AFF3: variants seen among roughly 807,000 people sequenced by gnomAD.
AFF3 encodes the protein AF4/FMR2 family member 3.
Under a neutral mutation model 129.7 loss-of-function variants are expected in AFF3, and 32 were observed. That is an observed-to-expected ratio of 0.25 (90% CI 0.19 to 0.33). The LOEUF is 0.33. Ranked by LOEUF, AFF3 falls within the 10% of genes least tolerant of loss-of-function variation. The pLI is 1.00. For synonymous variants in AFF3, 644 were observed against 635.4 expected (o/e 1.01, Z -0.20); for missense variants, 1,373 against 1,592.0 (o/e 0.86, Z 2.34).
At chr2:99,555,222 T>C (rs754928987) in intron 22 of AFF3, among the ~76,000 whole-genome samples, 1 of 152,186 alleles carries the variant, frequency 6.6e-6, no homozygotes, top group Non-Finnish European at 1.5e-5. Context: ...TACTTTTTCA[T>C]TGTAAATTAA....
intron 8 of AFF3, among the ~76,000 whole-genome samples, chr2:99,821,919 G>A (rs1019515996): frequency 1.3e-5 from 2 of 152,164 alleles, no homozygotes; most frequent in South Asian, 4.1e-4. Context: ...AACAAAGGCA[G>A]CCAGGGCACA....
intron 4 of AFF3, among the ~76,000 whole-genome samples, chr2:100,038,345 A>C (rs1198214227): frequency 2.0e-5 from 3 of 151,754 alleles, no homozygotes; most frequent in African/African-American, 7.3e-5. Flanking sequence ...TCCAGCAACA[A>C]TCAAGTTGTC....
At chr2:100,076,024 G>A (rs112990816) in intron 4 of AFF3, among the ~76,000 whole-genome samples, 2 of 152,156 alleles carry the variant, frequency 1.3e-5, no homozygotes, top group Non-Finnish European at 1.5e-5. Flanking sequence ...GGACAGGTTA[G>A]CATGCAAAGC....
chr2:99,644,618 C>T (rs1296387145), intron 13 of AFF3, among the ~76,000 whole-genome samples: 1 of 152,230 alleles, frequency 6.6e-6, no homozygotes, highest in Non-Finnish European at 1.5e-5. Context: ...TAGTGCTCCT[C>T]TTGCCCTAGA....
rs1573094568 is a variant in AFF3 at position 100,008,685 on chromosome 2, T to C, written c.174+127A>G. The C allele has an allele frequency of 4.1e-6, 5 of 1,209,656 alleles. No homozygotes were observed. The East Asian group carries it at 7.6e-5, about 18-fold the overall frequency. The allele number at this position is 1,209,656 out of a possible 1,614,324, so 74.9% of individuals were successfully genotyped here. A position where few individuals can be genotyped will look rare whatever the true frequency, so the allele number is the denominator to read the frequency against. ...CCCCGTACTTGGTGGCTGAGCTGTC[T>C]TCCCTGGGCTGAACAGACAGAAGAT... is the stretch of plus-strand genomic sequence containing the variant. On this transcript the variant is annotated intron_variant, in intron 5 of 24. Transcript: ENST00000672756.
At chr2:99,835,827 CTT>C (rs1359927997) in intron 8 of AFF3, among the ~76,000 whole-genome samples, 6 of 152,116 alleles carry the variant, frequency 3.9e-5, no homozygotes, top group African/African-American at 9.7e-5. Context: ...CACGTTCTCT[CTT>C]TGTTTCAGGC....
At chr2:99,902,837 C>CTT (rs1214960863) in intron 7 of AFF3, among the ~76,000 whole-genome samples, 1 of 152,152 alleles carries the variant, frequency 6.6e-6, no homozygotes, top group Non-Finnish European at 1.5e-5. Context: ...ATTAAGCTGT[C>CTT]TGAAAGGCCT....
chr2:100,078,938 T>C (rs1688815295), intron 4 of AFF3, among the ~76,000 whole-genome samples: 1 of 146,722 alleles, frequency 6.8e-6, no homozygotes, highest in South Asian at 2.2e-4. Flanking sequence ...CTTTGCTGAA[T>C]ATTTTCTTTT....
At chr2:99,862,243 C>T (rs1691050953) in intron 7 of AFF3, among the ~76,000 whole-genome samples, 1 of 152,080 alleles carries the variant, frequency 6.6e-6, no homozygotes, top group East Asian at 1.9e-4. Context: ...TCTGTCAAAA[C>T]ACGGGGTAGA....
chr2:99,935,653 G>A (rs1674457244), intron 7 of AFF3, among the ~76,000 whole-genome samples: 1 of 152,142 alleles, frequency 6.6e-6, no homozygotes, highest in Non-Finnish European at 1.5e-5. Context: ...CTGAGACCTT[G>A]GCTCCACCAT....
intron 7 of AFF3, among the ~76,000 whole-genome samples, chr2:99,873,601 A>C (rs952349455): frequency 1.3e-5 from 2 of 152,182 alleles, no homozygotes; most frequent in Non-Finnish European, 1.5e-5. Flanking sequence ...AACTGGAATA[A>C]ATCATGTAAA....
intron 7 of AFF3, among the ~76,000 whole-genome samples, chr2:99,964,091 T>C (rs1004535531): frequency 1.3e-5 from 2 of 152,008 alleles, no homozygotes; most frequent in African/African-American, 2.4e-5. Context: ...TAAAAGTATA[T>C]GCACCAAACA....
At chr2:99,851,451 C>T (rs915302633) in intron 7 of AFF3, among the ~76,000 whole-genome samples, 4 of 152,172 alleles carry the variant, frequency 2.6e-5, no homozygotes, top group African/African-American at 9.7e-5. Context: ...TTTACATTTT[C>T]CCTTTCCGCC....
At chr2:99,889,580 T>C (rs1371362257) in intron 7 of AFF3, among the ~76,000 whole-genome samples, 1 of 152,196 alleles carries the variant, frequency 6.6e-6, no homozygotes, top group South Asian at 2.1e-4. Context: ...TAATGCTATC[T>C]TTAAAGAAAA....
chr2:99,778,224 C>A (rs984576148), intron 8 of AFF3, among the ~76,000 whole-genome samples: 1 of 152,156 alleles, frequency 6.6e-6, no homozygotes, highest in Admixed American at 6.5e-5. Context: ...TTCCTCTGGT[C>A]TCCTCCTCCT....
intron 4 of AFF3, among the ~76,000 whole-genome samples, chr2:100,036,463 G>A (rs1250169570): frequency 6.6e-6 from 1 of 151,840 alleles, no homozygotes; most frequent in African/African-American, 2.4e-5. Flanking sequence ...TTCCTACCTT[G>A]CATTTAAAAA....
At chr2:100,108,607 A>T (rs1691402672) in intron 2 of AFF3, among the ~76,000 whole-genome samples, 3 of 152,122 alleles carry the variant, frequency 2.0e-5, no homozygotes. Context: ...TCATCTAAGG[A>T]CATACTCCCT....
chr2:99,862,620 T>A (rs186412759), intron 7 of AFF3, among the ~76,000 whole-genome samples: 14 of 152,376 alleles, frequency 9.2e-5, no homozygotes, highest in Admixed American at 8.5e-4. Context: ...ATTTCCACAT[T>A]CCTAGCTTGT....
At chr2:99,612,443 G>T (rs1017711431) in intron 13 of AFF3, among the ~76,000 whole-genome samples, 1 of 152,184 alleles carries the variant, frequency 6.6e-6, no homozygotes, top group African/African-American at 2.4e-5. Context: ...AACCTGAAAA[G>T]GACATGTTAC....
Sources: allele counts gnomAD v4.1 joint callset (sites outside exome capture counted in the v4.1 genomes callset), GRCh38; gene constraint gnomAD v4.1.1; transcripts MANE v1.5; gene names NCBI Gene and HGNC (gene_info 2026-07-23, HGNC 2026-07-21).